Variants in DNAH7 observed in about 807,000 individuals in gnomAD.
The protein encoded by DNAH7 is dynein axonemal heavy chain 7, also known as axonemal beta dynein heavy chain 7.
Under a neutral mutation model 444.6 loss-of-function variants are expected in DNAH7, and 397 were observed. The observed-to-expected ratio is 0.89, with a 90% CI of 0.82 to 0.97. The LOEUF is 0.97. Among genes scored for constraint, DNAH7 ranks in the 50% least tolerant of loss-of-function variants. The probability of loss-of-function intolerance (pLI) is 0.00; values close to 1 mark genes in which losing one functional copy is unlikely to be tolerated. For synonymous variants in DNAH7, 1,636 were observed against 1,624.4 expected, an observed-to-expected ratio of 1.01 and a Z score of -0.17; for missense variants, 4,902 against 4,800.8, an observed-to-expected ratio of 1.02 and a Z score of -0.62.
At chr2:195,931,790 T>C (rs1418156299) in intron 21 of DNAH7, among the ~76,000 whole-genome samples, 1 of 152,342 alleles carries the variant, frequency 6.6e-6, no homozygotes, top group East Asian at 1.9e-4. Context: ...ACATCTCTGT[T>C]TTGGTAACAG....
rs1694600935 is a variant in DNAH7 at position 196,009,535 on chromosome 2, T to C, written c.989+3252A>G. On this transcript the variant is annotated intron_variant, in intron 10 of 64. Transcript: ENST00000312428. Reference sequence around the variant, plus strand: ...TTGGAACAAAGAGAATAAGCATTGCTAGAAACATGCTGAGATTCAGGTGCT... The same window carrying C: ...TTGGAACAAAGAGAATAAGCATTGCCAGAAACATGCTGAGATTCAGGTGCT... Among the ~76,000 whole-genome samples, 4 of 152,278 alleles carry C rather than the reference T, an allele frequency of 2.6e-5. No individual in the cohort carries two copies. In the South Asian group the frequency reaches 8.3e-4, roughly 32 times the overall value.
chr2:196,033,832 G>C (rs1344956574), intron 5 of DNAH7, among the ~76,000 whole-genome samples: 4 of 152,102 alleles, frequency 2.6e-5, no homozygotes, highest in Non-Finnish European at 5.9e-5. Context: ...AGATCATATG[G>C]TAATTCTATT....
chr2:195,879,647 A>G (rs866093392), intron 36 of DNAH7, among the ~76,000 whole-genome samples: 16 of 152,266 alleles, frequency 1.1e-4, no homozygotes, highest in Admixed American at 4.6e-4. Flanking sequence ...TTTACATTTA[A>G]CACTCAAAAT....
In DNAH7 at chr2:195,864,898, C is replaced by T. The variant is rs750896147; in HGVS notation, c.6757G>A (p.Asp2253Asn). 10 of 1,613,690 alleles carry T rather than the reference C, an allele frequency of 6.2e-6. No individual in the cohort carries two copies. Among genetic ancestry groups the T allele is most frequent in the Non-Finnish European group, 8.5e-6 (10 of 1,180,022 alleles). The change falls in exon 41 of 65, where the codon GAT (aspartate) becomes AAT (asparagine). Residue 2253 changes from aspartate (D) to asparagine (N), a missense_variant. Physicochemically the swap from Asp to Asn is conservative, Grantham distance 23. Coordinates refer to ENST00000312428, the MANE Select transcript of DNAH7 (RefSeq NM_018897.3). ...TCCACCATGCCATCATTATCAAAAT[C>T]CAAACGCTGAAAAAGCTCATGAAAA... ...EDFHELFQRL[D>N]FDNDGMVEAD...
At chr2:196,033,191 G>T (rs1480915476) in intron 5 of DNAH7, among the ~76,000 whole-genome samples, 1 of 151,972 alleles carries the variant, frequency 6.6e-6, no homozygotes, top group East Asian at 1.9e-4. Context: ...GTAAATTGAT[G>T]ATTTATAGTT....
At chr2:195,738,787 A>G (rs1391482839) in intron 64 of DNAH7, among the ~76,000 whole-genome samples, 4 of 152,164 alleles carry the variant, frequency 2.6e-5, no homozygotes, top group Admixed American at 2.6e-4. Context: ...AATTTAATTC[A>G]ATTTATTTTT....
At chr2:195,997,556 T>A (rs1693774741) in intron 12 of DNAH7, among the ~76,000 whole-genome samples, 1 of 152,136 alleles carries the variant, frequency 6.6e-6, no homozygotes, top group Non-Finnish European at 1.5e-5. Flanking sequence ...TTAACAGTTA[T>A]GAGAAATGAT....
intron 10 of DNAH7, among the ~76,000 whole-genome samples, chr2:196,009,120 G>A (rs1226899528): frequency 6.6e-6 from 1 of 152,108 alleles, no homozygotes; most frequent in Admixed American, 6.6e-5. Context: ...ACAGAACCAA[G>A]CTATTCATGA....
chr2:195,835,380 GCAA>G (rs1190567126), intron 47 of DNAH7, among the ~76,000 whole-genome samples: 3 of 60,890 alleles, frequency 4.9e-5, no homozygotes, highest in African/African-American at 1.8e-4. Context: ...GGTGACTGAG[GCAA>G]AAAAAAAAAA....
At chr2:195,926,371 CAAT>C (rs1688333650) in intron 22 of DNAH7, 52 bp downstream of exon 22, 2 of 1,387,558 alleles carry the variant, frequency 1.4e-6, no homozygotes, top group Admixed American at 5.4e-5. Context: ...TGTATTCTGG[CAAT>C]AATACTATTG....
chr2:195,777,974 A>G lies in DNAH7; in HGVS notation c.10890T>C (p.Tyr3630=). 2 of 1,610,924 alleles carry G rather than the reference A, an allele frequency of 1.2e-6. No homozygotes were observed. The highest frequency in any genetic ancestry group is 1.7e-6 in the Non-Finnish European group (2 of 1,177,840). ...MFLNQYEELP[Y]EALRYMTGEC... is the part of the protein sequence containing the mutation. ...CGCCAGTCATGTACCGCAGAGCCTCATACGGCAGTTCCTAAAATAGTGCGT... is the reference window on the plus strand; with the variant it reads ...CGCCAGTCATGTACCGCAGAGCCTCGTACGGCAGTTCCTAAAATAGTGCGT... Residue 3630 remains tyrosine (Y), a synonymous_variant, in exon 59 of 65, where the codon TAT becomes TAC. Coordinates refer to ENST00000312428, the MANE Select transcript of DNAH7 (RefSeq NM_018897.3).
intron 61 of DNAH7, among the ~76,000 whole-genome samples, chr2:195,761,652 C>G (rs544569863): frequency 6.0e-4 from 91 of 152,182 alleles, no homozygotes; most frequent in African/African-American, 2.2e-3. Flanking sequence ...CATTGGAAAC[C>G]TTACAGGCCA....
intron 7 of DNAH7, among the ~76,000 whole-genome samples, chr2:196,026,438 G>C (rs542924533): frequency 6.6e-6 from 1 of 152,298 alleles, no homozygotes; most frequent in African/African-American, 2.4e-5. Context: ...CTTAAAGGGA[G>C]AGACTATCTC....
In DNAH7 at chr2:195,861,754, T is replaced by A. The variant is rs1399143198; in HGVS notation, c.7699A>T (p.Ile2567Phe). 3 of 1,613,214 alleles carry A rather than the reference T, an allele frequency of 1.9e-6. No individual in the cohort carries two copies. Among genetic ancestry groups the A allele is most frequent in the Admixed American group, 3.3e-5 (2 of 59,952 alleles). The change falls in exon 42 of 65, where the codon ATC becomes TTC. Residue 2567 changes from isoleucine (I) to phenylalanine (F), a missense_variant. Ile to Phe is a conservative substitution (Grantham distance 21). Coordinates refer to ENST00000312428, the MANE Select transcript of DNAH7 (RefSeq NM_018897.3). ...TCTAACAACAGTTTGAAGGTGGAGA[T>A]TAATTCGAGGTAAGAGGTAGGAGTC... ...YVTPTSYLEL[I>F]STFKLLLEKK...
At chr2:196,047,982 A>G (rs1157542260) in intron 4 of DNAH7, among the ~76,000 whole-genome samples, 2 of 152,146 alleles carry the variant, frequency 1.3e-5, no homozygotes, top group Admixed American at 6.5e-5. Flanking sequence ...AAAAAGAAAT[A>G]TAATTTATTA....
Position 195,985,099 on chromosome 2 carries a change from G to A in DNAH7, c.1755-389C>T, listed in dbSNP as rs116212600. Among the ~76,000 whole-genome samples, 231 of 152,292 alleles carry A rather than the reference G, an allele frequency of 1.5e-3. 1 individual carries two copies. The highest frequency in any genetic ancestry group is 5.1e-3 in the African/African-American group (211 of 41,552). On this transcript the variant is annotated intron_variant, in intron 14 of 64. Transcript: ENST00000312428. ...GGAAAGGAATGATTAACTATACTTG[G>A]AGGGATTGTTTAAAATAGGCCTGTG... is the stretch of plus-strand genomic sequence containing the variant.
At chr2:195,900,052 G>A (rs1686604536) in intron 28 of DNAH7, among the ~76,000 whole-genome samples, 1 of 152,104 alleles carries the variant, frequency 6.6e-6, no homozygotes, top group Non-Finnish European at 1.5e-5. Flanking sequence ...TTCCTTGGTA[G>A]TACCCCGTTA....
chr2:195,840,345 A>AG (rs1432599477), intron 47 of DNAH7, among the ~76,000 whole-genome samples: 1 of 151,704 alleles, frequency 6.6e-6, no homozygotes, highest in Non-Finnish European at 1.5e-5. Context: ...TAGGAATAGA[A>AG]GGGAGTCTCT....
Position 195,806,731 on chromosome 2 carries a change from C to T in DNAH7, c.10176+9G>A, listed in dbSNP as rs1696732409. ...GAATCATTGAGCTGTTTTCAAAGCC[C>T]ACATTTACCTTGTCTGGCCTCAAGC... On this transcript the variant is annotated intron_variant, in intron 54 of 64. Transcript: ENST00000312428. 1 of 1,611,168 alleles carries T rather than the reference C, an allele frequency of 6.2e-7. No homozygotes were observed. Among genetic ancestry groups the T allele is most frequent in the East Asian group, 2.2e-5 (1 of 44,778 alleles).
Sources: gnomAD v4.1 joint callset for allele counts (sites outside exome capture counted in the v4.1 genomes callset) on GRCh38, gnomAD v4.1.1 for gene constraint, MANE v1.5 for transcripts, NCBI Gene and HGNC (gene_info 2026-07-23, HGNC 2026-07-21) for gene names.